Variants in EEF1AKMT1 observed in about 807,000 individuals in gnomAD.
EEF1AKMT1 encodes the protein N-6 adenine-specific DNA methyltransferase 2 (putative).
A neutral mutation model predicts 21.0 loss-of-function variants in EEF1AKMT1; 18 were observed. The ratio of observed to expected loss-of-function variants is 0.86; its 90% CI spans 0.59 to 1.27. The LOEUF (loss-of-function observed/expected upper bound fraction) is 1.27, where lower values mean the gene tolerates loss of function less well. EEF1AKMT1 is among the 50% of genes most tolerant of loss of function. EEF1AKMT1 has a pLI of 0.00. For missense variants in EEF1AKMT1, 246 were observed against 258.6 expected (o/e 0.95, Z 0.33); for synonymous variants, 109 against 94.8 (o/e 1.15, Z -0.87).
At chr13:20,748,183 T>TTCTA in intron 2 of EEF1AKMT1, 2 of 152,678 alleles carry the variant, frequency 1.3e-5, no homozygotes, top group Non-Finnish European at 2.9e-5. Flanking sequence ...ACGCCTGTAA[T>TTCTA]CCCAGCACTT....
At chr13:20,749,649 G>C (rs891484369) in intron 2 of EEF1AKMT1, among the ~76,000 whole-genome samples, 13 of 152,172 alleles carry the variant, frequency 8.5e-5, no homozygotes, top group African/African-American at 2.4e-4. Flanking sequence ...CTGAGTTGAG[G>C]ATTGCTTGAG....
At chr13:20,732,228 A>T (rs2058801831) in intron 3 of EEF1AKMT1, 107 bp from the exon 4 acceptor site, 1 of 1,255,834 alleles carries the variant, frequency 8.0e-7, no homozygotes, top group Non-Finnish European at 1.1e-6. Context: ...AGAGTTTCTT[A>T]CAGGAAACAA....
intron 3 of EEF1AKMT1, among the ~76,000 whole-genome samples, chr13:20,734,741 C>G (rs994631407): frequency 1.3e-5 from 2 of 152,060 alleles, no homozygotes; most frequent in Non-Finnish European, 2.9e-5. Context: ...TAAATGATGA[C>G]TTAGTTCCTA....
At position 20,748,774 on chromosome 13, in the gene EEF1AKMT1, G is replaced by A. The variant is rs369339770; in HGVS notation, c.144+8681C>T. On this transcript the variant is annotated intron_variant, in intron 2 of 4. Coordinates refer to ENST00000382758, the MANE Select transcript of EEF1AKMT1 (RefSeq NM_001318939.2). Reference sequence around the variant, plus strand: ...AGACAGAGTCTCACTCTGTCACCCAGGCTGGCATGCAGTGGCATGATCTCG... The same window carrying A: ...AGACAGAGTCTCACTCTGTCACCCAAGCTGGCATGCAGTGGCATGATCTCG... Among the ~76,000 whole-genome samples the A allele has an allele frequency of 2.6e-5, 3 of 116,048 alleles. No homozygotes were observed. In the South Asian group the frequency reaches 9.3e-4, roughly 36 times the overall value. The allele number at this position is 116,048 out of a possible 152,430, so 76.1% of individuals were successfully genotyped here. A position where few individuals can be genotyped will look rare whatever the true frequency, so the allele number is the denominator to read the frequency against.
In EEF1AKMT1 at chr13:20,748,715, G is replaced by GTTTTT. The variant is rs796299437; in HGVS notation, c.144+8735_144+8739dup. ...TTCTTCACCCTCCTAATGTATAGTT[G>GTTTTT]TTTTTTTTTGGTTTTTTTTTTTTTT... On this transcript the variant is annotated intron_variant, in intron 2 of 4. Coordinates refer to ENST00000382758, the MANE Select transcript of EEF1AKMT1 (RefSeq NM_001318939.2). Among the ~76,000 whole-genome samples, 744 of 105,830 alleles carry GTTTTT rather than the reference G, an allele frequency of 7.0e-3. 12 individuals carry two copies. In the South Asian group the frequency reaches 0.075, roughly 11 times the overall value. The allele number at this position is 105,830 out of a possible 152,430, so 69.4% of individuals were successfully genotyped here.
chr13:20,764,410 T>C (rs1284748784), intron 1 of EEF1AKMT1, among the ~76,000 whole-genome samples: 1 of 152,250 alleles, frequency 6.6e-6, no homozygotes, highest in African/African-American at 2.4e-5. Context: ...GAAGTTTGTG[T>C]AATAGCTATG....
At chr13:20,746,247 G>A (rs1000558567) in intron 2 of EEF1AKMT1, among the ~76,000 whole-genome samples, 4 of 151,952 alleles carry the variant, frequency 2.6e-5, no homozygotes, top group Admixed American at 2.6e-4. Context: ...CCACTTCCCA[G>A]GTTCAAGTGA....
rs920112965 is a variant in EEF1AKMT1, at chr13:20,729,075, T to A, written c.*5A>T. 6 of 1,614,086 alleles carry A rather than the reference T, an allele frequency of 3.7e-6. No homozygotes were observed. The African/African-American group carries it at 8.0e-5, about 22-fold the overall frequency. On this transcript the variant is annotated 3_prime_UTR_variant, in exon 5 of 5. Coordinates refer to ENST00000382758, the MANE Select transcript of EEF1AKMT1 (RefSeq NM_001318939.2). ...TTCCTTCCTGTGTTATGTCACCGTC[T>A]GTAATCAGATCCCACAGTCCAGCCC...
chr13:20,745,862 TA>T (rs2058901059), intron 2 of EEF1AKMT1, among the ~76,000 whole-genome samples: 1 of 151,516 alleles, frequency 6.6e-6, no homozygotes, highest in South Asian at 2.1e-4. Context: ...AAAATAAAAA[TA>T]AAAATAAAAA....
At chr13:20,746,484 C>T (rs1473541080) in intron 2 of EEF1AKMT1, among the ~76,000 whole-genome samples, 1 of 152,178 alleles carries the variant, frequency 6.6e-6, no homozygotes, top group African/African-American at 2.4e-5. Flanking sequence ...GGAAAAATGG[C>T]AGCTCTGACC....
At chr13:20,738,230 G>A (rs1472439567) in intron 2 of EEF1AKMT1, among the ~76,000 whole-genome samples, 1 of 152,244 alleles carries the variant, frequency 6.6e-6, no homozygotes, top group Non-Finnish European at 1.5e-5. Context: ...ACCAGAGGAT[G>A]CAATCAGCAA....
At chr13:20,766,064 C>T (rs2059029715) in intron 1 of EEF1AKMT1, among the ~76,000 whole-genome samples, 1 of 151,604 alleles carries the variant, frequency 6.6e-6, no homozygotes, top group Non-Finnish European at 1.5e-5. Flanking sequence ...CTTTGGGAGG[C>T]CAAGGTGGGC....
intron 1 of EEF1AKMT1, among the ~76,000 whole-genome samples, chr13:20,758,262 T>G (rs2058981409): frequency 6.6e-6 from 1 of 152,146 alleles, no homozygotes; most frequent in Admixed American, 6.5e-5. Context: ...GAACCCCTTA[T>G]CTTAATCCAG....
intron 2 of EEF1AKMT1, among the ~76,000 whole-genome samples, chr13:20,752,638 G>A (rs1455119297): frequency 6.6e-6 from 1 of 151,972 alleles, no homozygotes; most frequent in Non-Finnish European, 1.5e-5. Context: ...TGGTTTTGGT[G>A]TCAGGATAAT....
intron 1 of EEF1AKMT1, among the ~76,000 whole-genome samples, chr13:20,768,552 A>G (rs570674669): frequency 1.5e-4 from 23 of 152,050 alleles, no homozygotes; most frequent in Admixed American, 9.8e-4. Context: ...TTCTTTCTCT[A>G]TTCTCTCTGG....
At chr13:20,761,466 C>G (rs1173838299) in intron 1 of EEF1AKMT1, among the ~76,000 whole-genome samples, 5 of 152,168 alleles carry the variant, frequency 3.3e-5, no homozygotes, top group African/African-American at 1.2e-4. Flanking sequence ...CATTCACCCA[C>G]TAAAACATTT....
chr13:20,739,771 A>C (rs2058858994), intron 2 of EEF1AKMT1, among the ~76,000 whole-genome samples: 1 of 152,208 alleles, frequency 6.6e-6, no homozygotes, highest in Non-Finnish European at 1.5e-5. Context: ...ACAATCTTTT[A>C]GCTAGATACA....
Position 20,737,778 on chromosome 13 carries a change from C to A in EEF1AKMT1, c.172G>T (p.Glu58Ter), listed in dbSNP as rs1277391252. 6.2e-7 allele frequency: 1 copy of A among 1,612,904 alleles called. No homozygotes were observed. ...WQLSQFWYSQ[E>*]TALQLAQEAI... ...TCCTGTGCCAGCTGCAGAGCAGTTT[C>A]CTGACTATACCAAAACTGGCTCAGT... Residue 58 changes from glutamate (E) to a stop codon, truncating the protein, a stop_gained, in exon 3 of 5, where the codon GAA (glutamate) becomes TAA (stop). Transcript: ENST00000382758. LOFTEE classifies it high-confidence loss of function.
chr13:20,757,527 A>C lies in EEF1AKMT1; in HGVS notation c.72T>G (p.Tyr24Ter). 2 of 1,614,152 alleles carry C rather than the reference A, an allele frequency of 1.2e-6. No homozygotes were observed. Among genetic ancestry groups the C allele is most frequent in the Non-Finnish European group, 1.7e-6 (2 of 1,180,014 alleles). ...AHALAALQEF[Y>*]AEQKQQIEPG... ...GCTCAATTTGTTGCTTTTGCTCAGC[A>C]TAAAATTCCTGGAGAGCTGCTAAGG... Residue 24 changes from tyrosine to a stop codon, truncating the protein, a stop_gained, in exon 2 of 5, where the codon TAT becomes TAG. Transcript: ENST00000382758. LOFTEE classifies it high-confidence loss of function.
Sources: gnomAD v4.1 joint callset for allele counts (sites outside exome capture counted in the v4.1 genomes callset) on GRCh38, gnomAD v4.1.1 for gene constraint, MANE v1.5 for transcripts, NCBI Gene and HGNC (gene_info 2026-07-23, HGNC 2026-07-21) for gene names.